TRARG1: variants seen among roughly 807,000 people sequenced by gnomAD.
TRARG1 encodes trafficking regulator of GLUT4 1.
A neutral mutation model predicts 13.3 loss-of-function variants in TRARG1; 16 were observed. The observed-to-expected ratio is 1.20, with a 90% CI of 0.81 to 1.83. TRARG1 has a LOEUF of 1.83. Ranked by LOEUF, TRARG1 falls within the 40% of genes most tolerant of loss-of-function variation. The probability of loss-of-function intolerance (pLI) is 0.00; values close to 1 mark genes in which losing one functional copy is unlikely to be tolerated. For synonymous variants in TRARG1, 113 were observed against 106.2 expected, an observed-to-expected ratio of 1.06 and a Z score of -0.39; for missense variants, 250 against 237.4, an observed-to-expected ratio of 1.05 and a Z score of -0.35.
At chr17:1,291,938 C>T (rs184104399) in intron 1 of TRARG1, among the ~76,000 whole-genome samples, 47 of 152,106 alleles carry the variant, frequency 3.1e-4, no homozygotes, top group Middle Eastern at 3.4e-3. Flanking sequence ...AGGCCAGGCG[C>T]GGTGGCTGGG....
At chr17:1,287,631 G>T (rs2072033743) in intron 1 of TRARG1, among the ~76,000 whole-genome samples, 2 of 149,866 alleles carry the variant, frequency 1.3e-5, no homozygotes, top group Admixed American at 1.3e-4. Context: ...AAAGTGCTGG[G>T]ATTACAGGTG....
chr17:1,292,907 A>C (rs1200655748), intron 1 of TRARG1, among the ~76,000 whole-genome samples: 3 of 152,172 alleles, frequency 2.0e-5, no homozygotes, highest in African/African-American at 7.2e-5. Context: ...GGGGTCTCAC[A>C]CAGGGCCTGT....
intron 1 of TRARG1, among the ~76,000 whole-genome samples, chr17:1,282,833 G>C (rs1054686719): frequency 1.6e-4 from 25 of 151,940 alleles, no homozygotes; most frequent in Non-Finnish European, 3.4e-4. Context: ...GGCATTACAG[G>C]CGCTGGCCAC....
At position 1,280,240 on chromosome 17, in the gene TRARG1, G is replaced by C; in HGVS notation, c.239G>C (p.Arg80Pro). 1.2e-6 allele frequency: 2 copies of C among 1,614,026 alleles called. No homozygotes were observed. Among genetic ancestry groups the C allele is most frequent in the Non-Finnish European group, 1.7e-6 (2 of 1,179,994 alleles). Residue 80 changes from arginine (R) to proline (P), a missense_variant, in exon 1 of 3, where the codon CGG becomes CCG. Physicochemically the swap from Arg to Pro is moderately radical, Grantham distance 103. Coordinates refer to ENST00000333813, the MANE Select transcript of TRARG1 (RefSeq NM_172367.3). ...LEAPLPRSPS[R>P]ASSRRASSIA... ...GCCCCACTGCCTCGGTCCCCCTCCC[G>C]GGCCAGCTCAAGGAGGGCGTCCTCC...
chr17:1,292,544 C>T (rs1429863213), intron 1 of TRARG1, among the ~76,000 whole-genome samples: 1 of 152,226 alleles, frequency 6.6e-6, no homozygotes, highest in African/African-American at 2.4e-5. Context: ...CGCTGACCTC[C>T]GTCCAGTCCC....
chr17:1,288,406 CCAACCCCCACAGGTTCCT>C (rs2072040494), intron 1 of TRARG1, among the ~76,000 whole-genome samples: 1 of 70,740 alleles, frequency 1.4e-5, no homozygotes, highest in African/African-American at 7.0e-5. Context: ...CACAGGTTCC[CCAACCCCCACAGGTTCCT>C]CATCCCCCAC....
intron 1 of TRARG1, among the ~76,000 whole-genome samples, chr17:1,281,582 G>T (rs1191528954): frequency 6.6e-6 from 1 of 152,174 alleles, no homozygotes; most frequent in Non-Finnish European, 1.5e-5. Context: ...GAGTCTGAGG[G>T]ACTTGGCATG....
At chr17:1,296,665 C>T (rs1030220014) in intron 2 of TRARG1, among the ~76,000 whole-genome samples, 1 of 152,084 alleles carries the variant, frequency 6.6e-6, no homozygotes, top group African/African-American at 2.4e-5. Flanking sequence ...GTGCCCACCA[C>T]CGCACCCAGC....
At chr17:1,292,708 C>T (rs2072081550) in intron 1 of TRARG1, among the ~76,000 whole-genome samples, 2 of 152,230 alleles carry the variant, frequency 1.3e-5, no homozygotes, top group South Asian at 2.1e-4. Flanking sequence ...ACTCAAATGT[C>T]CTTCCTCCAG....
At chr17:1,292,317 G>C (rs954367957) in intron 1 of TRARG1, among the ~76,000 whole-genome samples, 1 of 152,194 alleles carries the variant, frequency 6.6e-6, no homozygotes, top group Non-Finnish European at 1.5e-5. Context: ...AACAGCTCCC[G>C]ACTCACCTCC....
chr17:1,290,512 T>C (rs1486295439), intron 1 of TRARG1, among the ~76,000 whole-genome samples: 1 of 152,100 alleles, frequency 6.6e-6, no homozygotes, highest in African/African-American at 2.4e-5. Context: ...CCCAGGCTGG[T>C]CTTGAACTCC....
In TRARG1 at chr17:1,280,199, C is replaced by T. The variant is rs779172790; in HGVS notation, c.198C>T (p.Ser66=). The T allele has an allele frequency of 2.0e-5, 32 of 1,613,898 alleles. No homozygotes were observed. Among genetic ancestry groups the T allele is most frequent in the East Asian group, 1.3e-4 (6 of 44,882 alleles). ...AGGGCCTACCCTTCAAGGCCATCTC[C>T]GAGGGGCACCTGGAGGCCCCACTGC... ...NSQGLPFKAI[S]EGHLEAPLPR... The change falls in exon 1 of 3, where the codon TCC becomes TCT. Residue 66 remains serine, a synonymous_variant. Transcript: ENST00000333813.
At chr17:1,284,032 G>A (rs1053805315) in intron 1 of TRARG1, among the ~76,000 whole-genome samples, 2 of 151,750 alleles carry the variant, frequency 1.3e-5, no homozygotes, top group Admixed American at 6.6e-5. Context: ...GGAGAATGGC[G>A]TGAATCCGGG....
chr17:1,288,334 T>TCATCCCCCACGGGTTCCC (rs2072039138), intron 1 of TRARG1, among the ~76,000 whole-genome samples: 7 of 18,254 alleles, frequency 3.8e-4, no homozygotes, highest in Non-Finnish European at 6.2e-4. Flanking sequence ...CACGGGCTCC[T>TCATCCCCCACGGGTTCCC]CATCCCCCAC....
rs777788387 is a variant in TRARG1, at chr17:1,280,222, T to C, written c.221T>C (p.Leu74Pro). ...TCCGAGGGGCACCTGGAGGCCCCAC[T>C]GCCTCGGTCCCCCTCCCGGGCCAGC... ...AISEGHLEAP[L>P]PRSPSRASSR... Residue 74 changes from leucine to proline, a missense_variant, in exon 1 of 3, where the codon CTG becomes CCG. By Grantham distance (98) the Leu-to-Pro change is moderately conservative. Coordinates refer to ENST00000333813, the MANE Select transcript of TRARG1 (RefSeq NM_172367.3). 28 of 1,613,932 alleles carry C rather than the reference T, an allele frequency of 1.7e-5. No homozygotes were observed. The highest frequency in any genetic ancestry group is 2.4e-5 in the Non-Finnish European group (28 of 1,179,982).
intron 1 of TRARG1, among the ~76,000 whole-genome samples, chr17:1,288,059 T>C (rs1039382408): frequency 6.6e-6 from 1 of 152,120 alleles, no homozygotes; most frequent in African/African-American, 2.4e-5. Flanking sequence ...GGGGACATCA[T>C]GGCACCCATC....
intron 1 of TRARG1, among the ~76,000 whole-genome samples, chr17:1,288,104 C>G (rs2072036405): frequency 6.6e-6 from 1 of 151,978 alleles, no homozygotes; most frequent in Non-Finnish European, 1.5e-5. Context: ...CTCTTTGCAG[C>G]TCTCTTCCTC....
Position 1,282,839 on chromosome 17 carries a change from GCCA to G in TRARG1, c.387+2455_387+2457del, listed in dbSNP as rs530788007. Among the ~76,000 whole-genome samples the G allele has an allele frequency of 5.3e-5, 8 of 151,590 alleles. No individual in the cohort carries two copies. The East Asian group carries it at 1.6e-3, about 29-fold the overall frequency. Reference sequence around the variant, plus strand: ...CAAGTAGCTGGCATTACAGGCGCTGGCCACCATGCCTGGCTAATTTTTGTATTT... The same window carrying G: ...CAAGTAGCTGGCATTACAGGCGCTGGCCATGCCTGGCTAATTTTTGTATTT... On this transcript the variant is annotated intron_variant, in intron 1 of 2. Coordinates refer to ENST00000333813, the MANE Select transcript of TRARG1 (RefSeq NM_172367.3).
At chr17:1,282,427 A>G (rs1369566520) in intron 1 of TRARG1, among the ~76,000 whole-genome samples, 2 of 151,708 alleles carry the variant, frequency 1.3e-5, no homozygotes, top group Non-Finnish European at 1.5e-5. Context: ...CTGGAGTGCA[A>G]TGGTGCGATC....
Sources: allele counts gnomAD v4.1 joint callset (sites outside exome capture counted in the v4.1 genomes callset), GRCh38; gene constraint gnomAD v4.1.1; transcripts MANE v1.5; gene names NCBI Gene and HGNC (gene_info 2026-07-23, HGNC 2026-07-21).